Variants in SCRIB observed in about 807,000 individuals in gnomAD.
SCRIB encodes protein scribble homolog.
In SCRIB, 72 loss-of-function variants were observed where a neutral mutation model predicts 170.0. The ratio of observed to expected loss-of-function variants is 0.42; its 90% CI spans 0.35 to 0.52. The LOEUF (loss-of-function observed/expected upper bound fraction) is 0.52, where lower values mean the gene tolerates loss of function less well. Among genes scored for constraint, SCRIB ranks in the 20% least tolerant of loss-of-function variants. SCRIB has a pLI of 0.02. For synonymous variants in SCRIB, 1,298 were observed against 1,044.3 expected (o/e 1.24, Z -4.68); for missense variants, 2,475 against 2,338.5 (o/e 1.06, Z -1.20).
At chr8:143,814,555 C>T (rs534129187) in intron 1 of SCRIB, among the ~76,000 whole-genome samples, 19 of 152,182 alleles carry the variant, frequency 1.2e-4, no homozygotes, top group Non-Finnish European at 2.2e-4. Flanking sequence ...ACCACAGGCA[C>T]AGTGCTACGC....
At chr8:143,814,856 G>A (rs923990831) in intron 1 of SCRIB, 3 of 261,612 alleles carry the variant, frequency 1.1e-5, no homozygotes, top group Non-Finnish European at 2.2e-5. Context: ...AAAAAGGAGA[G>A]GAGGTCTGGA....
Position 143,804,556 on chromosome 8 carries a change from CTTGTGT to C in SCRIB, c.3009+6_3009+11del. The C allele has an allele frequency of 6.7e-7, 1 of 1,491,804 alleles. No individual in the cohort carries two copies. Among genetic ancestry groups the C allele is most frequent in the South Asian group, 1.4e-5 (1 of 73,956 alleles). 92.4% of individuals were successfully genotyped at this position (1,491,804 alleles called of 1,614,324 possible). On this transcript the variant is annotated splice_donor_region_variant and intron_variant, in intron 21 of 36. Transcript: ENST00000356994. ...AGCTGGGTGGGTGCCTGGGTGGGGG[CTTGTGT>C]CTCACCTCCACTGGGTATGGCCCTT...
Position 143,813,889 on chromosome 8 carries a change from A to G in SCRIB, c.285T>C (p.Pro95=). The G allele has an allele frequency of 6.2e-7, 1 of 1,607,920 alleles. No individual in the cohort carries two copies. Among genetic ancestry groups the G allele is most frequent in the Non-Finnish European group, 8.5e-7 (1 of 1,175,860 alleles). The part of the protein sequence containing the change: ...VELDVSRNDI[P]EIPESIKFCK... Reference sequence around the variant, plus strand: ...AGAACTTGATGCTCTCCGGGATCTCAGGGATATCTGTCACAGAGGGTCACA... The same window carrying G: ...AGAACTTGATGCTCTCCGGGATCTCGGGGATATCTGTCACAGAGGGTCACA... Residue 95 remains proline, a synonymous_variant, in exon 3 of 37, where the codon CCT becomes CCC. Transcript: ENST00000356994.
intron 24 of SCRIB, among the ~76,000 whole-genome samples, chr8:143,800,036 C>CT (rs1463588299): frequency 3.2e-5 from 4 of 124,512 alleles, no homozygotes; most frequent in South Asian, 6.8e-4. Context: ...AAGCCCCCCC[C>CT]CCACCCCACC....
Position 143,810,507 on chromosome 8 carries a change from T to C in SCRIB, c.1502A>G (p.Asp501Gly), listed in dbSNP as rs760156743. Residue 501 changes from aspartate (D) to glycine (G), a missense_variant, in exon 13 of 37, where the codon GAC becomes GGC. Transcript: ENST00000356994. ...CTCTGCAGGCAAGGGCGACCCAGAGTCTGGCTGGCAAGGGCAGGCCTCGCT... is the reference window on the plus strand; with the variant it reads ...CTCTGCAGGCAAGGGCGACCCAGAGCCTGGCTGGCAAGGGCAGGCCTCGCT... Reference protein sequence around the residue: ...RRSEACPCQPDSGSPLPAEEE... With the variant: ...RRSEACPCQPGSGSPLPAEEE... 6.2e-7 allele frequency: 1 copy of C among 1,611,428 alleles called. No homozygotes were observed. The highest frequency in any genetic ancestry group is 1.1e-5 in the South Asian group (1 of 91,054).
At chr8:143,807,103 T>C (rs1815464452) in intron 16 of SCRIB, 90 bp from the exon 17 acceptor site, 6 of 922,056 alleles carry the variant, frequency 6.5e-6, no homozygotes, top group Non-Finnish European at 1.0e-5. Flanking sequence ...GCAGATGCCA[T>C]TTCTGGCTTT....
chr8:143,804,834 G>C lies in SCRIB; in HGVS notation c.2752-9C>G. The C allele has an allele frequency of 6.3e-7, 1 of 1,576,880 alleles. No homozygotes were observed. Among genetic ancestry groups the C allele is most frequent in the Non-Finnish European group, 8.6e-7 (1 of 1,168,348 alleles). On this transcript the variant is annotated splice_polypyrimidine_tract_variant and intron_variant, in intron 20 of 36. Coordinates refer to ENST00000356994, the MANE Select transcript of SCRIB (RefSeq NM_182706.5). ...ACGTCCACTCCATTAATCTGTGAGA[G>C]CGTGCCCGAATCAGGGAGGCCCAAG...
chr8:143,804,139 T>C lies in SCRIB; in HGVS notation c.3027A>G (p.Arg1009=), dbSNP rs148599700. The C allele has an allele frequency of 3.8e-5, 62 of 1,610,576 alleles. No individual in the cohort carries two copies. In the African/African-American group the frequency reaches 7.9e-4, roughly 20 times the overall value. Residue 1009 remains arginine, a synonymous_variant, in exon 22 of 37, where the codon AGA becomes AGG. Transcript: ENST00000356994. ...PYPVEEIRLP[R]AGGPLGLSIV... ...TACTAAGCCCCAGAGGGCCCCCAGC[T>C]CTTGGCAGACGGATCTCCTGGGGAT...
rs968792946 is a variant in SCRIB, at chr8:143,815,676, C to G, written c.-304G>C. 2.0e-6 allele frequency: 2 copies of G among 983,072 alleles called. No individual in the cohort carries two copies. The highest frequency in any genetic ancestry group is 2.4e-6 in the Non-Finnish European group (2 of 829,044). 60.9% of individuals were successfully genotyped at this position (983,072 alleles called of 1,614,324 possible). A position where few individuals can be genotyped will look rare whatever the true frequency, so the allele number is the denominator to read the frequency against. On this transcript the variant is annotated 5_prime_UTR_variant, in exon 1 of 37. Transcript: ENST00000356994. Reference sequence around the variant, plus strand: ...TCCTGCTCAGCTCGTCCCGCCCGCTCGTCCGCCCGCTGTGCCGCACCGGAA... The same window carrying G: ...TCCTGCTCAGCTCGTCCCGCCCGCTGGTCCGCCCGCTGTGCCGCACCGGAA...
rs1554637301 is a variant in SCRIB, at chr8:143,808,838, A to G, written c.1886T>C (p.Leu629Pro). ...CTCCCCATCAGGCTGCATGCCCTGCAGCAGAGCCACAACGGCCTCGGGCTG... is the reference window on the plus strand; with the variant it reads ...CTCCCCATCAGGCTGCATGCCCTGCGGCAGAGCCACAACGGCCTCGGGCTG... ...LPQPEAVVAL[L>P]QGMQPDGEGP... Residue 629 changes from leucine to proline, a missense_variant, in exon 15 of 37, where the codon CTG (leucine) becomes CCG (proline). Leu to Pro is a moderately conservative substitution (Grantham distance 98). This residue lies in a region of SCRIB where 1,966 missense variants were observed against 1,742.9 expected (regional missense o/e 1.13). Coordinates refer to ENST00000356994, the MANE Select transcript of SCRIB (RefSeq NM_182706.5). 1.2e-6 allele frequency: 2 copies of G among 1,611,546 alleles called. No individual in the cohort carries two copies. Among genetic ancestry groups the G allele is most frequent in the Non-Finnish European group, 1.7e-6 (2 of 1,179,836 alleles).
chr8:143,800,316 C>T (rs1165690042), intron 24 of SCRIB, among the ~76,000 whole-genome samples: 2 of 152,168 alleles, frequency 1.3e-5, no homozygotes, highest in Non-Finnish European at 2.9e-5. Context: ...AAACAGCCCC[C>T]CCTCCATTTA....
intron 24 of SCRIB, among the ~76,000 whole-genome samples, chr8:143,802,306 T>A (rs1220483615): frequency 6.6e-6 from 1 of 152,234 alleles, no homozygotes; most frequent in Non-Finnish European, 1.5e-5. Context: ...CCACGCTGGC[T>A]GTGGGTCAGG....
At chr8:143,800,023 T>C (rs941394400) in intron 24 of SCRIB, among the ~76,000 whole-genome samples, 4 of 149,280 alleles carry the variant, frequency 2.7e-5, no homozygotes, top group Non-Finnish European at 4.5e-5. Context: ...GGGTCATGAA[T>C]TGAAGCCCCC....
Position 143,794,038 on chromosome 8 carries a change from G to C in SCRIB, c.3847-76C>G. On this transcript the variant is annotated intron_variant, in intron 27 of 36. Transcript: ENST00000356994. Reference sequence around the variant, plus strand: ...CGACCAGGAGGGACTGGGGGCCCTGGGGCTTGCCTAAAAGCCACAGCAGCT... The same window carrying C: ...CGACCAGGAGGGACTGGGGGCCCTGCGGCTTGCCTAAAAGCCACAGCAGCT... 4.2e-6 allele frequency: 6 copies of C among 1,442,800 alleles called. No homozygotes were observed. In the South Asian group the frequency reaches 4.8e-5, roughly 11 times the overall value. 89.4% of individuals were successfully genotyped at this position (1,442,800 alleles called of 1,614,324 possible).
At chr8:143,801,466 C>A (rs1186500062) in intron 24 of SCRIB, among the ~76,000 whole-genome samples, 5 of 152,182 alleles carry the variant, frequency 3.3e-5, no homozygotes, top group East Asian at 1.9e-4. Flanking sequence ...AAGGAAAAAA[C>A]CAGAATCCAG....
chr8:143,798,997 G>A (rs949882934), intron 24 of SCRIB, among the ~76,000 whole-genome samples: 3 of 152,206 alleles, frequency 2.0e-5, no homozygotes, highest in Admixed American at 2.0e-4. Flanking sequence ...TCAAGGGAAC[G>A]CTGTGTTGAA....
At position 143,805,177 on chromosome 8, in the gene SCRIB, C is replaced by T. The variant is rs368044480; in HGVS notation, c.2605G>A (p.Glu869Lys). 3.3e-5 allele frequency: 52 copies of T among 1,573,608 alleles called. No individual in the cohort carries two copies. The highest frequency in any genetic ancestry group is 7.0e-5 in the South Asian group (6 of 85,266). ...QRHVACLARS[E>K]RGLGFSIAGG... ...GCAATGCTGAAGCCCAGCCCCCTCT[C>T]GCTGCGTGCCAGGCAGGCCACGTGG... The change falls in exon 19 of 37, where the codon GAG becomes AAG. Residue 869 changes from glutamate to lysine, a missense_variant. Glu to Lys is a moderately conservative substitution (Grantham distance 56, BLOSUM62 1). Around this residue, in one of 3 missense-constraint regions of SCRIB, gnomAD observed 1,966 missense variants for 1,742.9 expected, o/e 1.13. Transcript: ENST00000356994.
intron 18 of SCRIB, 22 bp from the exon 19 acceptor site, chr8:143,805,457 C>CGTG: frequency 6.8e-7 from 1 of 1,460,560 alleles, no homozygotes; most frequent in Non-Finnish European, 9.0e-7. Context: ...GGACCACGTG[C>CGTG]GTATTCAGGA....
chr8:143,815,069 G>A, intron 1 of SCRIB, 145 bp downstream of exon 1: 1 of 922,344 alleles, frequency 1.1e-6, no homozygotes, highest in Admixed American at 3.8e-5. Flanking sequence ...AGAGAAGGGT[G>A]GGGCTGGCTG....
Sources: gnomAD v4.1 joint callset for allele counts (sites outside exome capture counted in the v4.1 genomes callset) on GRCh38, gnomAD v4.1.1 for gene constraint, gnomAD v4.1.1 regional missense constraint, MANE v1.5 for transcripts, NCBI Gene and HGNC (gene_info 2026-07-23, HGNC 2026-07-21) for gene names.